The following DMD variants were observed in gnomAD, a reference collection of about 807,000 sequenced individuals.
DMD encodes dystrophin, also known as mutant dystrophin.
Under a neutral mutation model 330.1 loss-of-function variants are expected in DMD, and 63 were observed. The ratio of observed to expected loss-of-function variants is 0.19; its 90% confidence interval spans 0.16 to 0.24. DMD has a LOEUF of 0.24. Among genes scored for constraint, DMD ranks in the 10% least tolerant of loss-of-function variants. The pLI is 1.00. For missense variants in DMD, 3,344 were observed against 2,684.1 expected, an observed-to-expected ratio of 1.25 and a Z score of -5.43; for synonymous variants, 1,223 against 959.8, an observed-to-expected ratio of 1.27 and a Z score of -5.07.
intron 1 of DMD, among the ~76,000 whole-genome samples, chrX:33,187,638 A>C (rs1246754779): frequency 8.9e-6 from 1 of 112,120 alleles, no homozygotes; most frequent in East Asian, 2.8e-4. Context: ...TGAGTGGGGC[A>C]AAAAATGAGG....
chrX:32,076,052 C>CAAAAAAAA (rs59686294), intron 44 of DMD, among the ~76,000 whole-genome samples: 3 of 18,758 alleles, frequency 1.6e-4, no homozygotes, highest in Non-Finnish European at 2.9e-4. Context: ...GACTCTGTCT[C>CAAAAAAAA]AAAAAAAAAA....
At chrX:32,280,200 C>A (rs952380866) in intron 43 of DMD, among the ~76,000 whole-genome samples, 53 of 85,847 alleles carry the variant, frequency 6.2e-4, no homozygotes, top group African/African-American at 2.0e-3. Flanking sequence ...CACTATGTAC[C>A]CACAAACGTT....
At chrX:31,447,104 C>T (rs2065328035) in intron 59 of DMD, among the ~76,000 whole-genome samples, 1 of 111,248 alleles carries the variant, frequency 9.0e-6, no homozygotes, top group Non-Finnish European at 1.9e-5. Context: ...AATTCCTGAG[C>T]ACACATATTA....
intron 48 of DMD, among the ~76,000 whole-genome samples, chrX:31,847,590 G>A (rs2093449656): frequency 9.0e-6 from 1 of 111,209 alleles, no homozygotes; most frequent in Non-Finnish European, 1.9e-5. Flanking sequence ...GTAAGAAACT[G>A]ACAATTATCC....
At chrX:31,536,808 C>G (rs2073442535) in intron 55 of DMD, among the ~76,000 whole-genome samples, 1 of 111,150 alleles carries the variant, frequency 9.0e-6, no homozygotes, top group Non-Finnish European at 1.9e-5. Flanking sequence ...TCTCAAGTAC[C>G]TGTGCTATTG....
At chrX:32,184,369 T>C (rs1200596429) in intron 44 of DMD, among the ~76,000 whole-genome samples, 3 of 110,928 alleles carry the variant, frequency 2.7e-5, no homozygotes, top group Non-Finnish European at 3.8e-5. Context: ...TTCAGAAGAA[T>C]ATAAATTAAT....
chrX:32,851,829 C>T (rs1176354489), intron 2 of DMD, among the ~76,000 whole-genome samples: 1 of 111,908 alleles, frequency 8.9e-6, no homozygotes, highest in Non-Finnish European at 1.9e-5. Flanking sequence ...GGGCAGAATT[C>T]ATCAAGCGCA....
intron 7 of DMD, among the ~76,000 whole-genome samples, chrX:32,796,822 T>A (rs188389274): frequency 8.8e-4 from 99 of 111,965 alleles, no homozygotes; most frequent in Non-Finnish European, 1.7e-3. Context: ...CAACTATAAA[T>A]CTTCAGGTTT....
At chrX:32,863,420 G>A (rs928003004) in intron 2 of DMD, among the ~76,000 whole-genome samples, 1 of 106,897 alleles carries the variant, frequency 9.4e-6, no homozygotes, top group African/African-American at 3.5e-5. Flanking sequence ...GGGAGGCTAA[G>A]GTGGGAGAGA....
At chrX:33,054,566 C>G (rs1474396424) in intron 1 of DMD, among the ~76,000 whole-genome samples, 1 of 112,313 alleles carries the variant, frequency 8.9e-6, no homozygotes. Flanking sequence ...CGAAGGAAAA[C>G]ATTGAATTAA....
chrX:31,951,011 T>A (rs1311934557), intron 45 of DMD, among the ~76,000 whole-genome samples: 1 of 104,825 alleles, frequency 9.5e-6, no homozygotes, highest in Non-Finnish European at 2.0e-5. Flanking sequence ...TCCAAAATGC[T>A]TGGGATTGGA....
rs760490098 is a variant in DMD at position 32,194,070 on chromosome X, A to G, written c.6438+22846T>C. 7.1e-5 allele frequency among the ~76,000 whole-genome samples: 8 copies of G among 112,573 alleles called. No individual in the cohort carries two copies. The East Asian group carries it at 1.4e-3, about 20-fold the overall frequency. On this transcript the variant is annotated intron_variant, in intron 44 of 78. Transcript: ENST00000357033. Reference sequence around the variant, plus strand: ...AGCCTTCTTGTGAGTATAACTTTCAATTATCTCCAATAACCTTAACTACAT... The same window carrying G: ...AGCCTTCTTGTGAGTATAACTTTCAGTTATCTCCAATAACCTTAACTACAT...
At chrX:31,749,938 T>C (rs2088342431) in intron 51 of DMD, among the ~76,000 whole-genome samples, 1 of 107,489 alleles carries the variant, frequency 9.3e-6, no homozygotes, top group Non-Finnish European at 1.9e-5. Context: ...TGCATAAATG[T>C]CTTCTTTTGA....
intron 4 of DMD, among the ~76,000 whole-genome samples, chrX:32,839,465 A>AG (rs2079962266): frequency 8.9e-6 from 1 of 111,849 alleles, no homozygotes; most frequent in Non-Finnish European, 1.9e-5. Flanking sequence ...TGACACACAA[A>AG]GGGTTGTGTT....
chrX:33,315,669 C>G (rs2053922199), intron 1 of DMD, among the ~76,000 whole-genome samples: 1 of 112,245 alleles, frequency 8.9e-6, no homozygotes, highest in Admixed American at 9.5e-5. Context: ...TTGTAATAAA[C>G]TGTAATCATG....
chrX:32,486,594 C>T (rs759112646), intron 20 of DMD, among the ~76,000 whole-genome samples: 16 of 110,051 alleles, frequency 1.5e-4, no homozygotes, highest in African/African-American at 5.3e-4. Flanking sequence ...TACCTGACTT[C>T]AAACTATACT....
At chrX:32,061,304 C>T (rs970526823) in intron 44 of DMD, among the ~76,000 whole-genome samples, 1 of 110,780 alleles carries the variant, frequency 9.0e-6, no homozygotes, top group Non-Finnish European at 1.9e-5. Flanking sequence ...CTGACTCTTC[C>T]AAATTTTAAT....
intron 16 of DMD, among the ~76,000 whole-genome samples, chrX:32,564,500 T>C (rs1404980569): frequency 9.0e-6 from 1 of 111,636 alleles, no homozygotes; most frequent in African/African-American, 3.3e-5. Flanking sequence ...GCAGATCACA[T>C]AAAACAGGAG....
At chrX:32,960,158 T>A (rs993880968) in intron 2 of DMD, 4 of 112,128 alleles carry the variant, frequency 3.6e-5, no homozygotes, top group Middle Eastern at 4.6e-3. Flanking sequence ...AACCGATGAT[T>A]TAGCTAGTCC....
Sources: allele counts gnomAD v4.1 joint callset (sites outside exome capture counted in the v4.1 genomes callset), GRCh38; gene constraint gnomAD v4.1.1; transcripts MANE v1.5; gene names NCBI Gene and HGNC (gene_info 2026-07-23, HGNC 2026-07-21).